SYNE1: variants seen among roughly 807,000 people sequenced by gnomAD.
The protein encoded by SYNE1 is spectrin repeat containing nuclear envelope protein 1, also known as nesprin-1.
A neutral mutation model predicts 1,111.0 loss-of-function variants in SYNE1; 616 were observed. That is an observed-to-expected ratio of 0.55 (90% CI 0.52 to 0.59). The LOEUF is 0.59. SYNE1 is among the 20% of genes least tolerant of loss of function. The probability of loss-of-function intolerance (pLI) is 0.00; values close to 1 mark genes in which losing one functional copy is unlikely to be tolerated. For missense variants in SYNE1, 10,006 were observed against 10,417.0 expected, an observed-to-expected ratio of 0.96 and a Z score of 1.72; for synonymous variants, 3,855 against 3,825.8, an observed-to-expected ratio of 1.01 and a Z score of -0.28.
chr6:152,409,239 G>T lies in SYNE1; in HGVS notation c.6382-13C>A. Reference sequence around the variant, plus strand: ...TGGCAGTTTCATGCTGTGGATAAATGATTTCTTAATTAATAAAATAGTCAG... The same window carrying T: ...TGGCAGTTTCATGCTGTGGATAAATTATTTCTTAATTAATAAAATAGTCAG... On this transcript the variant is annotated splice_polypyrimidine_tract_variant and intron_variant, in intron 43 of 145. Transcript: ENST00000367255. 1.2e-6 allele frequency: 2 copies of T among 1,612,608 alleles called. No individual in the cohort carries two copies. The highest frequency in any genetic ancestry group is 2.2e-5 in the South Asian group (2 of 90,960).
intron 3 of SYNE1, among the ~76,000 whole-genome samples, chr6:152,592,200 G>A (rs536915841): frequency 6.6e-6 from 1 of 151,910 alleles, no homozygotes; most frequent in Admixed American, 6.6e-5. Context: ...GGTATTTTTT[G>A]CATATACTGG....
chr6:152,427,640 A>T (rs576439663), intron 38 of SYNE1, 53 bp downstream of exon 38: 2 of 1,603,424 alleles, frequency 1.2e-6, no homozygotes, highest in East Asian at 4.5e-5. Context: ...AAATAATGTA[A>T]CTGTAACAAA....
intron 30 of SYNE1, among the ~76,000 whole-genome samples, chr6:152,443,267 A>T (rs971983418): frequency 6.6e-6 from 1 of 152,150 alleles, no homozygotes; most frequent in East Asian, 1.9e-4. Context: ...TTAATTTTTT[A>T]TACTCAGCCA....
intron 3 of SYNE1, among the ~76,000 whole-genome samples, chr6:152,561,289 A>AT (rs986815289): frequency 1.1e-4 from 17 of 152,120 alleles, no homozygotes; most frequent in Admixed American, 1.0e-3. Context: ...CCAAAAAGAC[A>AT]TTTTTTTCAA....
At chr6:152,575,800 A>G (rs1404355012) in intron 3 of SYNE1, among the ~76,000 whole-genome samples, 1 of 152,252 alleles carries the variant, frequency 6.6e-6, no homozygotes, top group East Asian at 1.9e-4. Context: ...TGAACAATGT[A>G]TATGCAAAAC....
At chr6:152,171,006 T>C (rs924109130) in intron 130 of SYNE1, among the ~76,000 whole-genome samples, 5 of 152,308 alleles carry the variant, frequency 3.3e-5, no homozygotes, top group East Asian at 1.9e-4. Flanking sequence ...TTCTCTCCTG[T>C]CTGCCACCAT....
Position 152,383,815 on chromosome 6 carries a change from C to G in SYNE1, c.8652+1859G>C, listed in dbSNP as rs190089691. 3.6e-3 allele frequency among the ~76,000 whole-genome samples: 550 copies of G among 152,282 alleles called. 1 individual carries two copies. Among genetic ancestry groups the G allele is most frequent in the Non-Finnish European group, 6.6e-3 (452 of 68,008 alleles). On this transcript the variant is annotated intron_variant, in intron 55 of 145. Coordinates refer to ENST00000367255, the MANE Select transcript of SYNE1 (RefSeq NM_182961.4). ...TCAGTCTTGAATTTACAACTGCCCC[C>G]AAGACATTACTACTACCTGGCAGTT...
At chr6:152,232,682 T>G (rs1003474291) in intron 112 of SYNE1, among the ~76,000 whole-genome samples, 4 of 152,234 alleles carry the variant, frequency 2.6e-5, no homozygotes, top group Non-Finnish European at 5.9e-5. Flanking sequence ...AATACCACAC[T>G]ACAAGCTATC....
chr6:152,148,044 C>T lies in SYNE1; in HGVS notation c.24976+1G>A. On this transcript the variant is annotated splice_donor_variant, in intron 137 of 145. Transcript: ENST00000367255. LOFTEE classifies it high-confidence loss of function. This position sits in a 1 kb window ranked among gnomAD's most constrained non-coding sequence, Gnocchi z 4.1. ...GGCAAACTGGAGAGGCTCTTTCCTA[C>T]CTGATAAGCCAACAGCTCCCCGGAG... is the stretch of plus-strand genomic sequence containing the variant. The T allele has an allele frequency of 1.2e-6, 2 of 1,613,678 alleles. No homozygotes were observed. Among genetic ancestry groups the T allele is most frequent in the Non-Finnish European group, 8.5e-7 (1 of 1,179,900 alleles).
intron 126 of SYNE1, 77 bp downstream of exon 126, chr6:152,206,091 T>A: frequency 7.4e-7 from 1 of 1,360,404 alleles, no homozygotes. Context: ...ATTATTTGAT[T>A]TGTAGAATAA....
At chr6:152,216,337 C>G (rs1194338244) in intron 121 of SYNE1, among the ~76,000 whole-genome samples, 1 of 152,106 alleles carries the variant, frequency 6.6e-6, no homozygotes, top group African/African-American at 2.4e-5. Flanking sequence ...CCCCTACTCA[C>G]AGGAATGTAA....
chr6:152,595,348 T>A (rs2099577975), intron 3 of SYNE1, among the ~76,000 whole-genome samples: 2 of 152,240 alleles, frequency 1.3e-5, no homozygotes, highest in Admixed American at 1.3e-4. Context: ...TCACACATCA[T>A]CATCCAAGCT....
intron 86 of SYNE1, 105 bp downstream of exon 86, chr6:152,317,976 G>T: frequency 6.8e-7 from 1 of 1,463,720 alleles, no homozygotes. Context: ...CTCTCTCATT[G>T]TCCATTTTAT....
Position 152,278,149 on chromosome 6 carries a change from C to A in SYNE1, c.18513G>T (p.Arg6171Ser), listed in dbSNP as rs764725032. 54 of 1,613,992 alleles carry A rather than the reference C, an allele frequency of 3.3e-5. No homozygotes were observed. Among genetic ancestry groups the A allele is most frequent in the Non-Finnish European group, 4.0e-5 (47 of 1,180,052 alleles). ...EAEQLAGKLR[R>S]LKGSLLELQR... ...GCAGCTCCAGCAGGCTCCCCTTGAG[C>A]CTTCTCAGCTTTCCAGCCAGCTGCT... is the stretch of plus-strand genomic sequence containing the variant. Residue 6171 changes from arginine (R) to serine (S), a missense_variant, in exon 98 of 146, where the codon AGG becomes AGT. By Grantham distance (110) the Arg-to-Ser change is moderately radical (BLOSUM62 -1). This residue lies in a region of SYNE1 where 2,182 missense variants were observed against 2,287.8 expected (regional missense o/e 0.95). Transcript: ENST00000367255.
chr6:152,346,768 C>T (rs1402327937), intron 73 of SYNE1, among the ~76,000 whole-genome samples: 1 of 152,104 alleles, frequency 6.6e-6, no homozygotes, highest in Admixed American at 6.5e-5. Flanking sequence ...CGAGATCGCG[C>T]CACTGCACTC....
chr6:152,130,668 C>T, intron 145 of SYNE1, 52 bp downstream of exon 145: 1 of 1,601,496 alleles, frequency 6.2e-7, no homozygotes, highest in Non-Finnish European at 8.6e-7. Context: ...GGACAATTTT[C>T]ATCATCCTCT....
chr6:152,382,807 G>A (rs916616695), intron 55 of SYNE1, among the ~76,000 whole-genome samples: 2 of 152,114 alleles, frequency 1.3e-5, no homozygotes, highest in Admixed American at 1.3e-4. Context: ...GCATGAAAAT[G>A]GAACACTTCA....
chr6:152,252,102 T>C (rs890176445), intron 104 of SYNE1, among the ~76,000 whole-genome samples: 6 of 151,928 alleles, frequency 3.9e-5, no homozygotes, highest in African/African-American at 1.2e-4. Context: ...TGAAAGCCCA[T>C]CTCTACTTAA....
intron 3 of SYNE1, among the ~76,000 whole-genome samples, chr6:152,618,573 T>C (rs1288963674): frequency 1.3e-5 from 2 of 152,218 alleles, no homozygotes; most frequent in African/African-American, 2.4e-5. Context: ...ACTTTTTTAA[T>C]GTGGGTGGAG....
Sources: allele counts gnomAD v4.1 joint callset (sites outside exome capture counted in the v4.1 genomes callset), GRCh38; gene constraint gnomAD v4.1.1; regional missense constraint gnomAD v4.1.1; non-coding constraint Gnocchi (gnomAD v3.1); transcripts MANE v1.5; gene names NCBI Gene and HGNC (gene_info 2026-07-23, HGNC 2026-07-21).